Variants in FILIP1L observed in about 807,000 individuals in gnomAD.
FILIP1L encodes the protein filamin A interacting protein 1 like, also known as filamin A-interacting protein 1-like.
In FILIP1L, 55 loss-of-function variants were observed where a neutral mutation model predicts 96.6. The observed-to-expected ratio is 0.57, with a 90% CI of 0.46 to 0.71. FILIP1L has a LOEUF of 0.71. Among genes scored for constraint, FILIP1L ranks in the 30% least tolerant of loss-of-function variants. The pLI is 0.00. For missense variants in FILIP1L, 1,304 were observed against 1,321.2 expected, an observed-to-expected ratio of 0.99 and a Z score of 0.20; for synonymous variants, 467 against 473.9, an observed-to-expected ratio of 0.99 and a Z score of 0.19.
chr3:100,096,097 A>C (rs2066201958), intron 1 of FILIP1L, among the ~76,000 whole-genome samples: 1 of 152,136 alleles, frequency 6.6e-6, no homozygotes, highest in Non-Finnish European at 1.5e-5. Flanking sequence ...AGTTAAAATG[A>C]CTTTTATCCA....
At chr3:100,026,728 G>A (rs1170562235) in intron 1 of FILIP1L, among the ~76,000 whole-genome samples, 1 of 152,064 alleles carries the variant, frequency 6.6e-6, no homozygotes, top group Non-Finnish European at 1.5e-5. Flanking sequence ...ACGGATTTCT[G>A]TTGCACTACT....
At chr3:99,908,330 A>T (rs967543207) in intron 4 of FILIP1L, among the ~76,000 whole-genome samples, 1 of 152,242 alleles carries the variant, frequency 6.6e-6, no homozygotes, top group African/African-American at 2.4e-5. Flanking sequence ...GACTTAGACA[A>T]CTATGTGACA....
At chr3:99,952,447 T>C (rs1198046333) in intron 1 of FILIP1L, among the ~76,000 whole-genome samples, 3 of 152,150 alleles carry the variant, frequency 2.0e-5, no homozygotes, top group Non-Finnish European at 4.4e-5. Flanking sequence ...CCCCAAAAAT[T>C]CCAACTCTGA....
chr3:100,110,774 AC>A (rs1420029109), intron 1 of FILIP1L, among the ~76,000 whole-genome samples: 1 of 151,980 alleles, frequency 6.6e-6, no homozygotes, highest in East Asian at 1.9e-4. Context: ...TTTTCCTCTT[AC>A]CCATGATAAA....
chr3:99,873,123 T>C (rs1705321556), intron 4 of FILIP1L, among the ~76,000 whole-genome samples: 1 of 152,094 alleles, frequency 6.6e-6, no homozygotes, highest in South Asian at 2.1e-4. Context: ...CTAGAAAATG[T>C]TGTGGTGATG....
intron 1 of FILIP1L, among the ~76,000 whole-genome samples, chr3:99,967,916 A>T (rs925775114): frequency 6.6e-6 from 1 of 152,228 alleles, no homozygotes; most frequent in Non-Finnish European, 1.5e-5. Flanking sequence ...TTACAAATAG[A>T]TAAGTGCAAC....
chr3:100,039,056 G>A (rs1017063655), intron 1 of FILIP1L, among the ~76,000 whole-genome samples: 1 of 151,972 alleles, frequency 6.6e-6, no homozygotes, highest in Non-Finnish European at 1.5e-5. Flanking sequence ...AACAGATGTT[G>A]GAAAAACTCC....
intron 1 of FILIP1L, among the ~76,000 whole-genome samples, chr3:100,034,781 A>C (rs1465616453): frequency 6.6e-6 from 1 of 152,224 alleles, no homozygotes; most frequent in Non-Finnish European, 1.5e-5. Context: ...GCATGCTTTA[A>C]ACCTAGACTT....
chr3:100,074,986 G>A (rs976034543), intron 1 of FILIP1L, among the ~76,000 whole-genome samples: 6 of 152,012 alleles, frequency 3.9e-5, no homozygotes, highest in Admixed American at 2.0e-4. Flanking sequence ...GAGCCAACAT[G>A]CCCGGCCTGA....
chr3:99,857,831 A>C (rs1407179583), intron 4 of FILIP1L, among the ~76,000 whole-genome samples: 3 of 152,202 alleles, frequency 2.0e-5, no homozygotes, highest in Admixed American at 6.5e-5. Flanking sequence ...CACTATGTTC[A>C]CTATGTAAAT....
At chr3:99,972,345 G>T (rs1018579834) in intron 1 of FILIP1L, among the ~76,000 whole-genome samples, 1 of 152,198 alleles carries the variant, frequency 6.6e-6, no homozygotes, top group Non-Finnish European at 1.5e-5. Flanking sequence ...TAATGCCATG[G>T]CAGGATTACT....
intron 1 of FILIP1L, among the ~76,000 whole-genome samples, chr3:100,047,830 GA>G (rs933079847): frequency 1.6e-4 from 23 of 147,128 alleles, no homozygotes; most frequent in African/African-American, 3.2e-4. Context: ...GAAGGCATTT[GA>G]AAAAAAAAAG....
chr3:99,924,029 G>A (rs1707208215), intron 4 of FILIP1L, among the ~76,000 whole-genome samples: 2 of 152,166 alleles, frequency 1.3e-5, no homozygotes, highest in South Asian at 4.1e-4. Flanking sequence ...AACATTTATG[G>A]TTCCACAGTC....
Position 99,830,087 on chromosome 3 carries a change from C to T in FILIP1L, c.*327G>A, listed in dbSNP as rs1267541283. 1 of 153,876 alleles carries T rather than the reference C, an allele frequency of 6.5e-6. No homozygotes were observed. Among genetic ancestry groups the T allele is most frequent in the African/African-American group, 2.4e-5 (1 of 41,464 alleles). 9.5% of individuals were successfully genotyped at this position (153,876 alleles called of 1,614,324 possible). ...GAATGAAGAATTACTTCTGTTTTCA[C>T]CAGAAAACTCTTGAACTGTTCTAGT... On this transcript the variant is annotated 3_prime_UTR_variant, in exon 6 of 6. Transcript: ENST00000477258.
chr3:100,010,778 ATTTTTTTT>A (rs11371196), intron 1 of FILIP1L, among the ~76,000 whole-genome samples: 1 of 93,678 alleles, frequency 1.1e-5, no homozygotes, highest in Admixed American at 1.3e-4. Context: ...CCACGCCCGG[ATTTTTTTT>A]TTTTTTTTTT....
At chr3:99,989,302 T>A (rs1274543941) in intron 1 of FILIP1L, among the ~76,000 whole-genome samples, 7 of 152,244 alleles carry the variant, frequency 4.6e-5, no homozygotes, top group Non-Finnish European at 1.0e-4. Flanking sequence ...GGCTCTTGAC[T>A]GCATGTCTAG....
chr3:99,842,641 GAT>G (rs1431337532), intron 5 of FILIP1L, among the ~76,000 whole-genome samples: 1 of 151,958 alleles, frequency 6.6e-6, no homozygotes, highest in Non-Finnish European at 1.5e-5. Context: ...CAAATAATAA[GAT>G]AAGTTTTATT....
At chr3:99,884,069 G>T (rs1171230222) in intron 4 of FILIP1L, among the ~76,000 whole-genome samples, 3 of 152,206 alleles carry the variant, frequency 2.0e-5, no homozygotes, top group African/African-American at 7.2e-5. Flanking sequence ...AGGAGAGTGA[G>T]AATGGATCTT....
chr3:100,013,306 C>T (rs528462227), intron 1 of FILIP1L, among the ~76,000 whole-genome samples: 1 of 152,004 alleles, frequency 6.6e-6, no homozygotes, highest in East Asian at 1.9e-4. Context: ...TGCAGTGGTG[C>T]GATCTCAGCT....
Sources: allele counts gnomAD v4.1 joint callset (sites outside exome capture counted in the v4.1 genomes callset), GRCh38; gene constraint gnomAD v4.1.1; transcripts MANE v1.5; gene names NCBI Gene and HGNC (gene_info 2026-07-23, HGNC 2026-07-21).